Variants in ESRRG observed in about 807,000 individuals in gnomAD.
The protein encoded by ESRRG is estrogen related receptor gamma, also known as estrogen-related receptor gamma.
In ESRRG, 13 loss-of-function variants were observed where a neutral mutation model predicts 44.0. That is an observed-to-expected ratio of 0.30 (90% CI 0.19 to 0.47). ESRRG has a LOEUF of 0.47. Ranked by LOEUF, ESRRG falls within the 20% of genes least tolerant of loss-of-function variation. The pLI, the probability that ESRRG is intolerant of heterozygous loss-of-function variation, is 1.00. For synonymous variants in ESRRG, 215 were observed against 214.6 expected (o/e 1.00, Z -0.02); for missense variants, 395 against 580.6 (o/e 0.68, Z 3.29).
upstream of ESRRG, among the ~76,000 whole-genome samples, chr1:217,090,200 G>A (rs894655774): frequency 6.6e-6 from 1 of 152,048 alleles, no homozygotes; most frequent in Non-Finnish European, 1.5e-5. Context: ...AAGCAAGCAT[G>A]CGTTCATCTT....
chr1:216,676,828 C>G (rs921534254), intron 2 of ESRRG, among the ~76,000 whole-genome samples: 3 of 152,154 alleles, frequency 2.0e-5, no homozygotes, highest in African/African-American at 7.2e-5. Context: ...CTTGTAAACT[C>G]TACCCAAAGT....
chr1:216,901,115 T>C (rs2059019029), intron 2 of ESRRG, among the ~76,000 whole-genome samples: 3 of 151,852 alleles, frequency 2.0e-5, no homozygotes, highest in Admixed American at 1.3e-4. Flanking sequence ...ATTGAAAAAC[T>C]ACATGGAGAT....
intron 3 of ESRRG, among the ~76,000 whole-genome samples, chr1:216,575,907 G>A (rs2061604566): frequency 6.6e-6 from 1 of 152,038 alleles, no homozygotes; most frequent in Non-Finnish European, 1.5e-5. Flanking sequence ...ACTCAAAAGG[G>A]CTAGGCGATT....
At chr1:216,987,413 T>A (rs1384889275) in intron 1 of ESRRG, among the ~76,000 whole-genome samples, 1 of 152,212 alleles carries the variant, frequency 6.6e-6, no homozygotes, top group Non-Finnish European at 1.5e-5. Context: ...CTCTCCTGCT[T>A]AGAAATGTCT....
intron 2 of ESRRG, among the ~76,000 whole-genome samples, chr1:216,917,694 C>T (rs1302219682): frequency 6.6e-6 from 1 of 152,200 alleles, no homozygotes; most frequent in Non-Finnish European, 1.5e-5. Flanking sequence ...GTACCTAGTA[C>T]AGAACCTGGC....
chr1:216,910,357 G>C (rs942702863), intron 2 of ESRRG, among the ~76,000 whole-genome samples: 1 of 152,024 alleles, frequency 6.6e-6, no homozygotes, highest in African/African-American at 2.4e-5. Flanking sequence ...TTAAATAACT[G>C]CACATCATCT....
intron 1 of ESRRG, among the ~76,000 whole-genome samples, chr1:216,977,542 T>C (rs1439501360): frequency 1.3e-5 from 2 of 152,074 alleles, no homozygotes; most frequent in Non-Finnish European, 1.5e-5. Context: ...ATAGAAGAAA[T>C]AGAAGCACAG....
intron 5 of ESRRG, among the ~76,000 whole-genome samples, chr1:216,550,532 T>C (rs969631486): frequency 6.6e-6 from 1 of 152,160 alleles, no homozygotes; most frequent in African/African-American, 2.4e-5. Context: ...ACAGTCTTCC[T>C]GTCACCTCAA....
chr1:216,710,980 G>A (rs1414711814), intron 1 of ESRRG, among the ~76,000 whole-genome samples: 1 of 152,154 alleles, frequency 6.6e-6, no homozygotes, highest in Non-Finnish European at 1.5e-5. Context: ...CACCCTTCTC[G>A]TTGAAACAAG....
intron 2 of ESRRG, among the ~76,000 whole-genome samples, chr1:216,853,007 T>C (rs1275095347): frequency 6.6e-6 from 1 of 152,236 alleles, no homozygotes; most frequent in Non-Finnish European, 1.5e-5. Context: ...GCTTCTAGCC[T>C]GCATCTCTCA....
intron 1 of ESRRG, among the ~76,000 whole-genome samples, chr1:216,702,517 C>T (rs1198393762): frequency 6.6e-6 from 1 of 150,900 alleles, no homozygotes; most frequent in African/African-American, 2.4e-5. Flanking sequence ...AATCCCTGCA[C>T]TTTGGGAGGC....
chr1:216,687,047 C>G (rs3927674), intron 1 of ESRRG, among the ~76,000 whole-genome samples: 368 of 30,618 alleles, frequency 0.012, 3 homozygotes, highest in African/African-American at 0.024. Context: ...GTGTGTGTGT[C>G]TGTGTGTGTG....
Position 216,938,875 on chromosome 1 carries a change from G to T in ESRRG, c.-14+707C>A, listed in dbSNP as rs565702708. Reference sequence around the variant, plus strand: ...CAACAAAAGAATCTTTACATGCTATGATCCTCGTATGATAGTCATTACAAC... The same window carrying T: ...CAACAAAAGAATCTTTACATGCTATTATCCTCGTATGATAGTCATTACAAC... On this transcript the variant is annotated intron_variant, in intron 2 of 7. Coordinates refer to the ESRRG transcript ENST00000359162. 3.9e-5 allele frequency among the ~76,000 whole-genome samples: 6 copies of T among 152,302 alleles called. No individual in the cohort carries two copies. The East Asian group carries it at 9.7e-4, about 25-fold the overall frequency.
At chr1:216,749,147 A>ATT (rs34684564) in intron 2 of ESRRG, among the ~76,000 whole-genome samples, 28,517 of 148,902 alleles carry the variant, frequency 0.19, 2,860 homozygotes, top group South Asian at 0.3. Flanking sequence ...GTGTCTAAAT[A>ATT]TTTTTTTTTT....
At chr1:217,089,740 G>A (rs1214997115), upstream of ESRRG, 1 of 152,062 alleles carries the variant, frequency 6.6e-6, no homozygotes, top group Non-Finnish European at 1.5e-5. Flanking sequence ...CGGGCGCGGG[G>A]CCGGCCTGGC....
chr1:217,078,387 T>C (rs2091488672), intron 1 of ESRRG: 1 of 152,240 alleles, frequency 6.6e-6, no homozygotes, highest in Admixed American at 6.5e-5. Context: ...GATCTGTATT[T>C]GCAGCCCTGC....
intron 2 of ESRRG, among the ~76,000 whole-genome samples, chr1:216,849,467 C>T (rs1577218159): frequency 1.3e-5 from 2 of 152,034 alleles, no homozygotes; most frequent in African/African-American, 2.4e-5. Flanking sequence ...CTATGTAAGG[C>T]TTTTATATAT....
At chr1:216,680,611 G>A (rs1026540985) in intron 1 of ESRRG, among the ~76,000 whole-genome samples, 1 of 152,188 alleles carries the variant, frequency 6.6e-6, no homozygotes, top group African/African-American at 2.4e-5. Flanking sequence ...CCCACCCAGG[G>A]TGTGCAGTGA....
At chr1:217,120,780 G>A (rs2092808492) in intron 1 of ESRRG, among the ~76,000 whole-genome samples, 1 of 152,248 alleles carries the variant, frequency 6.6e-6, no homozygotes, top group Admixed American at 6.5e-5. Context: ...TACCAACTTG[G>A]TGAAGTCTCC....
Sources: allele counts gnomAD v4.1 joint callset (sites outside exome capture counted in the v4.1 genomes callset), GRCh38; gene constraint gnomAD v4.1.1; transcripts MANE v1.5; gene names NCBI Gene and HGNC (gene_info 2026-07-23, HGNC 2026-07-21).